The following RTF1 variants were observed in gnomAD, a reference collection of about 807,000 sequenced individuals.
RTF1 encodes RNA polymerase-associated protein RTF1 homolog.
A neutral mutation model predicts 95.7 loss-of-function variants in RTF1; 10 were observed. The observed-to-expected ratio is 0.10, with a 90% confidence interval of 0.06 to 0.18. The LOEUF is 0.18. RTF1 is among the 10% of genes least tolerant of loss of function. The pLI is 1.00. For missense variants in RTF1, 458 were observed against 875.6 expected (o/e 0.52, Z 6.02); for synonymous variants, 305 against 311.8 (o/e 0.98, Z 0.23).
chr15:41,438,587 G>T (rs575282722), intron 2 of RTF1, among the ~76,000 whole-genome samples, 156 bp downstream of exon 2: 29 of 152,124 alleles, frequency 1.9e-4, no homozygotes, highest in Non-Finnish European at 3.5e-4. Context: ...AAGGCCGGGC[G>T]CTGTGGCTCT....
intron 8 of RTF1, among the ~76,000 whole-genome samples, chr15:41,471,567 T>C (rs1371714540): frequency 6.6e-6 from 1 of 152,202 alleles, no homozygotes; most frequent in Non-Finnish European, 1.5e-5. Flanking sequence ...AAGATTTGGA[T>C]GTAGAATAAT....
chr15:41,459,283 G>A (rs955825128), intron 4 of RTF1, among the ~76,000 whole-genome samples: 6 of 152,072 alleles, frequency 3.9e-5, no homozygotes, highest in African/African-American at 7.2e-5. Flanking sequence ...TGAGTCAGCA[G>A]GAGTATCATT....
chr15:41,450,253 C>T (rs2050783362), intron 2 of RTF1, among the ~76,000 whole-genome samples: 1 of 152,102 alleles, frequency 6.6e-6, no homozygotes, highest in Non-Finnish European at 1.5e-5. Context: ...AGCGGCACTC[C>T]AACTTCTCAG....
chr15:41,476,991 T>C (rs1566850098), intron 12 of RTF1, among the ~76,000 whole-genome samples, 174 bp from the exon 13 acceptor site: 1 of 152,244 alleles, frequency 6.6e-6, no homozygotes, highest in East Asian at 1.9e-4. Flanking sequence ...TGTGCACTAC[T>C]ATAATATAAA....
intron 1 of RTF1, among the ~76,000 whole-genome samples, chr15:41,434,241 C>G (rs566733718): frequency 3.9e-5 from 6 of 151,936 alleles, no homozygotes; most frequent in African/African-American, 1.4e-4. Flanking sequence ...CCTTGGCTTC[C>G]CAAAGTGCTG....
chr15:41,419,442 G>A (rs1856242056), intron 1 of RTF1, among the ~76,000 whole-genome samples: 1 of 152,186 alleles, frequency 6.6e-6, no homozygotes, highest in African/African-American at 2.4e-5. Context: ...ACCCAGATCT[G>A]CATGAGTACA....
chr15:41,421,016 T>TC (rs1187365437), intron 1 of RTF1, among the ~76,000 whole-genome samples: 1 of 152,222 alleles, frequency 6.6e-6, no homozygotes. Context: ...CCATAGTACT[T>TC]CCAAATTAAG....
chr15:41,424,237 A>G (rs1023873727), intron 1 of RTF1, among the ~76,000 whole-genome samples: 1 of 152,198 alleles, frequency 6.6e-6, no homozygotes, highest in African/African-American at 2.4e-5. Flanking sequence ...AAGCAAGGAC[A>G]AGAATACTGT....
chr15:41,425,045 A>G lies in RTF1; in HGVS notation c.198+7732A>G, dbSNP rs1362773338. Among the ~76,000 whole-genome samples, 11 of 151,602 alleles carry G rather than the reference A, an allele frequency of 7.3e-5. No homozygotes were observed. In the South Asian group the frequency reaches 1.3e-3, roughly 18 times the overall value. On this transcript the variant is annotated intron_variant, in intron 1 of 17. Transcript: ENST00000389629. ...AAAGAAAAAAATTTAAAGCCACTGGAGGGCGTCAGCCTCCCCGGTGGCTGG... is the reference window on the plus strand; with the variant it reads ...AAAGAAAAAAATTTAAAGCCACTGGGGGGCGTCAGCCTCCCCGGTGGCTGG...
intron 1 of RTF1, among the ~76,000 whole-genome samples, chr15:41,418,753 G>A (rs543142852): frequency 1.5e-3 from 213 of 142,166 alleles, no homozygotes; most frequent in African/African-American, 5.2e-3. Context: ...AGGTTGCAGT[G>A]AGCCTGGGCA....
intron 2 of RTF1, among the ~76,000 whole-genome samples, chr15:41,442,173 T>TC (rs2050739086): frequency 6.6e-6 from 1 of 150,948 alleles, no homozygotes; most frequent in South Asian, 2.1e-4. Flanking sequence ...CATAATGATT[T>TC]TTTTTTTTTT....
chr15:41,454,573 A>G (rs972725601), intron 3 of RTF1, among the ~76,000 whole-genome samples: 30 of 152,188 alleles, frequency 2.0e-4, no homozygotes, highest in African/African-American at 5.3e-4. Context: ...CCTTCTGCCT[A>G]TACATACTAT....
intron 4 of RTF1, 26 bp from the exon 5 acceptor site, chr15:41,464,745 T>G (rs2050871636): frequency 6.6e-7 from 1 of 1,521,772 alleles, no homozygotes; most frequent in Non-Finnish European, 8.9e-7. Context: ...TCATTGCTAC[T>G]TAAAAACCAA....
At chr15:41,432,383 G>C (rs1362052299) in intron 1 of RTF1, among the ~76,000 whole-genome samples, 1 of 150,998 alleles carries the variant, frequency 6.6e-6, no homozygotes, top group Non-Finnish European at 1.5e-5. Flanking sequence ...ATTTTTAGTA[G>C]AGACAGGGTT....
chr15:41,426,820 T>C (rs1170044510), intron 1 of RTF1, among the ~76,000 whole-genome samples: 1 of 140,318 alleles, frequency 7.1e-6, no homozygotes, highest in Non-Finnish European at 1.6e-5. Context: ...TGTGTGTGTG[T>C]GTGTGTAATT....
At chr15:41,418,673 G>C (rs184829424) in intron 1 of RTF1, among the ~76,000 whole-genome samples, 120 of 151,970 alleles carry the variant, frequency 7.9e-4, no homozygotes, top group African/African-American at 2.5e-3. Context: ...AGCGGGGCGT[G>C]GTGGCACATG....
intron 5 of RTF1, among the ~76,000 whole-genome samples, 180 bp from the exon 6 acceptor site, chr15:41,465,961 C>T (rs915859732): frequency 6.6e-6 from 1 of 152,152 alleles, no homozygotes; most frequent in African/African-American, 2.4e-5. Flanking sequence ...TTAGACAGGG[C>T]TTACTTTACT....
intron 1 of RTF1, among the ~76,000 whole-genome samples, chr15:41,417,589 G>A (rs2050577920): frequency 6.6e-6 from 1 of 152,184 alleles, no homozygotes; most frequent in African/African-American, 2.4e-5. Context: ...GTAGCGAAAG[G>A]GGCCGCGATC....
chr15:41,446,125 G>C (rs1378093571), intron 2 of RTF1, among the ~76,000 whole-genome samples: 6 of 152,008 alleles, frequency 3.9e-5, no homozygotes, highest in Non-Finnish European at 5.9e-5. Flanking sequence ...TGTGGCCATT[G>C]TCAGTATCTA....
Sources: allele counts gnomAD v4.1 joint callset (sites outside exome capture counted in the v4.1 genomes callset), GRCh38; gene constraint gnomAD v4.1.1; transcripts MANE v1.5; gene names NCBI Gene and HGNC (gene_info 2026-07-23, HGNC 2026-07-21).